Variants in KCNQ5 observed in about 807,000 individuals in gnomAD.
KCNQ5 encodes potassium voltage-gated channel subfamily Q member 5, also known as potassium voltage-gated channel subfamily KQT member 5.
Under a neutral mutation model 98.2 loss-of-function variants are expected in KCNQ5, and 30 were observed. The observed-to-expected ratio is 0.31, with a 90% confidence interval of 0.23 to 0.41. The LOEUF (loss-of-function observed/expected upper bound fraction) is 0.41. Among genes scored for constraint, KCNQ5 ranks in the 10% least tolerant of loss-of-function variants. The pLI is 1.00. For missense variants in KCNQ5, 835 were observed against 1,182.5 expected (o/e 0.71, Z 4.31); for synonymous variants, 458 against 449.4 (o/e 1.02, Z -0.24).
chr6:72,776,996 A>G (rs1561976242), intron 1 of KCNQ5, among the ~76,000 whole-genome samples: 1 of 152,150 alleles, frequency 6.6e-6, no homozygotes, highest in Admixed American at 6.5e-5. Flanking sequence ...CAAGCAAAAC[A>G]GATCACATAA....
At chr6:72,788,624 C>T (rs1246456388) in intron 1 of KCNQ5, among the ~76,000 whole-genome samples, 12 of 152,106 alleles carry the variant, frequency 7.9e-5, no homozygotes, top group Non-Finnish European at 8.8e-5. Flanking sequence ...ATTGTTTGAA[C>T]AAATAGTTTA....
chr6:73,125,529 C>T (rs766870529), intron 9 of KCNQ5: 23 of 515,298 alleles, frequency 4.5e-5, no homozygotes, highest in Non-Finnish European at 8.1e-5. Context: ...GAGTTGGTCC[C>T]TAAGTGGAGG....
In KCNQ5 at chr6:73,111,342, A is replaced by C. The variant is rs1421913992; in HGVS notation, c.1064A>C (p.Gln355Pro). 1.2e-6 allele frequency: 2 copies of C among 1,611,370 alleles called. No homozygotes were observed. ...GGCTCAGGTTTTGCATTAAAAGTACAAGAACAACACCGCCAGAAACACTTT... is the reference window on the plus strand; with the variant it reads ...GGCTCAGGTTTTGCATTAAAAGTACCAGAACAACACCGCCAGAAACACTTT... ...ILGSGFALKV[Q>P]EQHRQKHFEK... Residue 355 changes from glutamine (Q) to proline (P), a missense_variant, in exon 7 of 14, where the codon CAA becomes CCA. By Grantham distance (76) the Gln-to-Pro change is moderately conservative (BLOSUM62 -1). Around this residue, in one of 10 missense-constraint regions of KCNQ5, gnomAD observed 30 missense variants for 132.9 expected, o/e 0.23. Coordinates refer to ENST00000370398, the MANE Select transcript of KCNQ5 (RefSeq NM_019842.4).
chr6:73,145,331 G>T (rs946851880), intron 10 of KCNQ5, among the ~76,000 whole-genome samples: 1 of 152,104 alleles, frequency 6.6e-6, no homozygotes, highest in African/African-American at 2.4e-5. Flanking sequence ...CCAAAACTGG[G>T]GTTTGAAGTT....
chr6:72,797,516 A>AG (rs1774405223), intron 1 of KCNQ5, among the ~76,000 whole-genome samples: 1 of 152,086 alleles, frequency 6.6e-6, no homozygotes. Context: ...AAAAAAAAAA[A>AG]AAGTGTTTAG....
chr6:72,646,096 T>C (rs1765581422), intron 1 of KCNQ5, among the ~76,000 whole-genome samples: 1 of 152,188 alleles, frequency 6.6e-6, no homozygotes, highest in Non-Finnish European at 1.5e-5. Context: ...TGGTATCCCA[T>C]GGACTATCAC....
At chr6:73,044,097 G>A (rs752858210) in intron 3 of KCNQ5, among the ~76,000 whole-genome samples, 7 of 152,116 alleles carry the variant, frequency 4.6e-5, no homozygotes, top group Non-Finnish European at 1.0e-4. Context: ...ACCAGCCTGG[G>A]ATGGAAAGAC....
intron 1 of KCNQ5, among the ~76,000 whole-genome samples, chr6:72,957,872 C>CT (rs1767162247): frequency 6.6e-6 from 1 of 152,022 alleles, no homozygotes. Context: ...TTGTTCTCAT[C>CT]TTTTTTTTCC....
At chr6:72,665,135 G>C (rs980087562) in intron 1 of KCNQ5, among the ~76,000 whole-genome samples, 1 of 151,978 alleles carries the variant, frequency 6.6e-6, no homozygotes, top group Admixed American at 6.6e-5. Flanking sequence ...ATCACTTGAG[G>C]TTCAGAGTTG....
chr6:72,656,342 A>G (rs1290676345), intron 1 of KCNQ5, among the ~76,000 whole-genome samples: 1 of 152,186 alleles, frequency 6.6e-6, no homozygotes, highest in East Asian at 1.9e-4. Context: ...TGAACGTTGC[A>G]TGTTTGGCCT....
At chr6:72,893,676 C>T (rs1779143495) in intron 1 of KCNQ5, among the ~76,000 whole-genome samples, 1 of 152,052 alleles carries the variant, frequency 6.6e-6, no homozygotes, top group South Asian at 2.1e-4. Flanking sequence ...CCTATTTTTC[C>T]ACACCATTTT....
intron 5 of KCNQ5, among the ~76,000 whole-genome samples, chr6:73,091,716 GT>G (rs143000453): frequency 6.7e-5 from 1 of 14,880 alleles, no homozygotes; most frequent in Non-Finnish European, 1.5e-4. Flanking sequence ...GTTTGGTTGG[GT>G]TTGTTTTTGT....
intron 1 of KCNQ5, among the ~76,000 whole-genome samples, chr6:72,841,613 C>G (rs976652308): frequency 1.3e-5 from 2 of 152,148 alleles, no homozygotes; most frequent in Non-Finnish European, 2.9e-5. Flanking sequence ...TTCTTACATG[C>G]TCTTTCTATT....
At chr6:72,800,875 C>A (rs1460157360) in intron 1 of KCNQ5, among the ~76,000 whole-genome samples, 1 of 152,054 alleles carries the variant, frequency 6.6e-6, no homozygotes, top group African/African-American at 2.4e-5. Context: ...GCCTTCATTT[C>A]GTTATGTACC....
At chr6:73,098,206 G>A (rs1265536060) in intron 5 of KCNQ5, among the ~76,000 whole-genome samples, 1 of 151,950 alleles carries the variant, frequency 6.6e-6, no homozygotes, top group Non-Finnish European at 1.5e-5. Flanking sequence ...CATGAAGACA[G>A]GCTATTTAAA....
At chr6:72,854,021 A>G (rs567461362) in intron 1 of KCNQ5, among the ~76,000 whole-genome samples, 1 of 152,226 alleles carries the variant, frequency 6.6e-6, no homozygotes, top group Non-Finnish European at 1.5e-5. Flanking sequence ...ATGACAGACC[A>G]AATCATGCCA....
intron 1 of KCNQ5, among the ~76,000 whole-genome samples, chr6:72,971,430 C>T (rs1378157161): frequency 6.6e-6 from 1 of 152,200 alleles, no homozygotes; most frequent in Non-Finnish European, 1.5e-5. Context: ...TTGTGGAAGA[C>T]AGTGTGGCTA....
chr6:72,975,753 A>C (rs1436615840), intron 1 of KCNQ5, among the ~76,000 whole-genome samples: 1 of 152,218 alleles, frequency 6.6e-6, no homozygotes, highest in Admixed American at 6.5e-5. Context: ...AGCCAAATCA[A>C]GTGGACAAAA....
chr6:72,956,909 A>G (rs1767104606), intron 1 of KCNQ5, among the ~76,000 whole-genome samples: 1 of 152,106 alleles, frequency 6.6e-6, no homozygotes, highest in African/African-American at 2.4e-5. Flanking sequence ...TGAATGTATA[A>G]TAGAGTTACT....
Sources: gnomAD v4.1 joint callset for allele counts (sites outside exome capture counted in the v4.1 genomes callset) on GRCh38, gnomAD v4.1.1 for gene constraint, gnomAD v4.1.1 regional missense constraint, MANE v1.5 for transcripts, NCBI Gene and HGNC (gene_info 2026-07-23, HGNC 2026-07-21) for gene names.